Variants in ANOS1 observed in about 807,000 individuals in gnomAD.
ANOS1 encodes anosmin-1.
A neutral mutation model predicts 59.0 loss-of-function variants in ANOS1; 6 were observed. The ratio of observed to expected loss-of-function variants is 0.10; its 90% CI spans 0.06 to 0.20. The LOEUF (loss-of-function observed/expected upper bound fraction) is 0.20. Ranked by LOEUF, ANOS1 falls within the 10% of genes least tolerant of loss-of-function variation. The probability of loss-of-function intolerance (pLI) is 1.00; values close to 1 mark genes in which losing one functional copy is unlikely to be tolerated. For synonymous variants in ANOS1, 217 were observed against 223.4 expected (o/e 0.97, Z 0.25); for missense variants, 433 against 542.3 (o/e 0.80, Z 2.00).
intron 2 of ANOS1, among the ~76,000 whole-genome samples, chrX:8,682,003 C>T (rs1289112209): frequency 9.0e-6 from 1 of 111,377 alleles, no homozygotes; most frequent in Non-Finnish European, 1.9e-5. Context: ...TTTAAGATTT[C>T]TGATTCAGAT....
At chrX:8,576,477 CACACACACACACAT>C (rs1930324939) in intron 6 of ANOS1, among the ~76,000 whole-genome samples, 2 of 101,844 alleles carry the variant, frequency 2.0e-5, no homozygotes, top group South Asian at 4.5e-4. Flanking sequence ...TACACACACA[CACACACACACACAT>C]ACACACACAC....
chrX:8,651,663 T>C (rs891512415), intron 2 of ANOS1, among the ~76,000 whole-genome samples: 4 of 112,262 alleles, frequency 3.6e-5, no homozygotes, highest in Non-Finnish European at 5.6e-5. Context: ...GGTCACTCAA[T>C]AATAAAACAT....
In ANOS1 at chrX:8,686,789, T is replaced by TA. The variant is rs762509798; in HGVS notation, c.255+12908dup. On this transcript the variant is annotated intron_variant, in intron 2 of 13. Coordinates refer to ENST00000262648, the MANE Select transcript of ANOS1 (RefSeq NM_000216.4). ...CAACATAGCGAAACCCCCACTCTAC[T>TA]AAAAAAATACAAAAATTAGCCGGGT... is the stretch of plus-strand genomic sequence containing the variant. Among the ~76,000 whole-genome samples, 23 of 110,324 alleles carry TA rather than the reference T, an allele frequency of 2.1e-4. 1 individual carries two copies. The highest frequency in any genetic ancestry group is 7.2e-4 in the African/African-American group (22 of 30,365).
intron 3 of ANOS1, among the ~76,000 whole-genome samples, chrX:8,601,887 G>C (rs925645501): frequency 9.0e-6 from 1 of 111,584 alleles, no homozygotes; most frequent in East Asian, 2.8e-4. Flanking sequence ...AATTCTTCTG[G>C]TGTGCTCATG....
At chrX:8,542,244 T>C (rs1929701949) in intron 9 of ANOS1, among the ~76,000 whole-genome samples, 1 of 111,909 alleles carries the variant, frequency 8.9e-6, no homozygotes, top group Non-Finnish European at 1.9e-5. Context: ...CTCTCCCATG[T>C]GGAGGCTTTC....
chrX:8,573,116 A>G (rs1184494459), intron 6 of ANOS1, among the ~76,000 whole-genome samples: 2 of 102,565 alleles, frequency 1.9e-5, no homozygotes, highest in Non-Finnish European at 3.9e-5. Flanking sequence ...CTGGAGTGCA[A>G]TGGTGTGATC....
intron 2 of ANOS1, among the ~76,000 whole-genome samples, chrX:8,638,126 C>A (rs1030609451): frequency 8.9e-6 from 1 of 111,803 alleles, no homozygotes; most frequent in African/African-American, 3.3e-5. Flanking sequence ...CCTTCAACAC[C>A]TCTAATCATT....
intron 2 of ANOS1, among the ~76,000 whole-genome samples, chrX:8,661,432 C>T (rs897405478): frequency 9.0e-5 from 10 of 111,198 alleles, no homozygotes; most frequent in African/African-American, 3.3e-4. Flanking sequence ...CAAGGACAAC[C>T]GGTCCTATAG....
rs1399313554 is a variant in ANOS1, at chrX:8,529,429, G to A, written c.*3566C>T. 1 of 112,143 alleles carries A rather than the reference G, an allele frequency of 8.9e-6. No individual in the cohort carries two copies. The highest frequency in any genetic ancestry group is 1.9e-5 in the Non-Finnish European group (1 of 53,268). 9.2% of individuals were successfully genotyped at this position (112,143 alleles called of 1,213,427 possible). ...GAAAGTTTATATAATAAGTTTTAGAGTTATTTGCAACCATAGAAATGAGTA... is the reference window on the plus strand; with the variant it reads ...GAAAGTTTATATAATAAGTTTTAGAATTATTTGCAACCATAGAAATGAGTA... On this transcript the variant is annotated 3_prime_UTR_variant, in exon 14 of 14. Coordinates refer to ENST00000262648, the MANE Select transcript of ANOS1 (RefSeq NM_000216.4).
At position 8,541,415 on chromosome X, in the gene ANOS1, C is replaced by G. The variant is rs562269930; in HGVS notation, c.1355-1657G>C. ...CAAAACTCCGTCTCCCACCACCCCC[C>G]CCCCAAAAACAAAAAAACAAAAAAA... On this transcript the variant is annotated intron_variant, in intron 9 of 13. Coordinates refer to ENST00000262648, the MANE Select transcript of ANOS1 (RefSeq NM_000216.4). Among the ~76,000 whole-genome samples the G allele has an allele frequency of 1.1e-4, 11 of 101,394 alleles. No individual in the cohort carries two copies. In the South Asian group the frequency reaches 1.9e-3, roughly 18 times the overall value. 88.0% of individuals were successfully genotyped at this position (101,394 alleles called of 115,157 possible).
chrX:8,558,486 T>A (rs1027644276), intron 8 of ANOS1, among the ~76,000 whole-genome samples: 3 of 110,985 alleles, frequency 2.7e-5, no homozygotes, highest in African/African-American at 6.6e-5. Flanking sequence ...GTATATTACA[T>A]ATAATCCCCA....
chrX:8,621,238 C>T (rs1238551960), intron 3 of ANOS1, among the ~76,000 whole-genome samples: 2 of 109,696 alleles, frequency 1.8e-5, no homozygotes, highest in African/African-American at 6.7e-5. Context: ...TGGTGGTGCA[C>T]GCCTGTAATT....
At chrX:8,612,551 G>GGTTTT (rs751793587) in intron 3 of ANOS1, among the ~76,000 whole-genome samples, 2 of 60,819 alleles carry the variant, frequency 3.3e-5, no homozygotes, top group African/African-American at 1.1e-4. Flanking sequence ...AAAACAAGAA[G>GGTTTT]TTTTTTTTTT....
intron 2 of ANOS1, among the ~76,000 whole-genome samples, chrX:8,667,860 G>C (rs1932176396): frequency 9.0e-6 from 1 of 110,601 alleles, no homozygotes; most frequent in Non-Finnish European, 1.9e-5. Context: ...TGGGGGAGCT[G>C]AGAGCATGAA....
At chrX:8,558,309 C>A (rs1830912249) in intron 8 of ANOS1, among the ~76,000 whole-genome samples, 1 of 111,101 alleles carries the variant, frequency 9.0e-6, no homozygotes, top group African/African-American at 3.3e-5. Flanking sequence ...TATCCCACAA[C>A]TTCATTATTA....
At chrX:8,636,285 CT>C (rs1014978867) in intron 2 of ANOS1, among the ~76,000 whole-genome samples, 2 of 111,677 alleles carry the variant, frequency 1.8e-5, no homozygotes, top group African/African-American at 6.5e-5. Context: ...GCCTGGTGTC[CT>C]TTCTTCCTGT....
At chrX:8,660,485 A>G (rs1348177235) in intron 2 of ANOS1, among the ~76,000 whole-genome samples, 1 of 111,610 alleles carries the variant, frequency 9.0e-6, no homozygotes, top group Non-Finnish European at 1.9e-5. Context: ...TTTATGACCA[A>G]GAGATATGGC....
chrX:8,561,466 A>ATTTTTTTTTT (rs34119310), intron 8 of ANOS1, among the ~76,000 whole-genome samples: 2 of 67,057 alleles, frequency 3.0e-5, no homozygotes, highest in African/African-American at 5.7e-5. Context: ...TGCCCGGCTA[A>ATTTTTTTTTT]TTTTTTTTTT....
At chrX:8,666,954 C>T in intron 2 of ANOS1, among the ~76,000 whole-genome samples, 1 of 111,973 alleles carries the variant, frequency 8.9e-6, no homozygotes. Flanking sequence ...CAAGTATCAG[C>T]AGTAGGAATA....
Sources: gnomAD v4.1 joint callset for allele counts (sites outside exome capture counted in the v4.1 genomes callset) on GRCh38, gnomAD v4.1.1 for gene constraint, MANE v1.5 for transcripts, NCBI Gene and HGNC (gene_info 2026-07-23, HGNC 2026-07-21) for gene names.